The following RNF150 variants were observed in gnomAD, a reference collection of about 807,000 sequenced individuals.
RNF150 encodes ring finger protein 150.
Under a neutral mutation model 39.3 loss-of-function variants are expected in RNF150, and 24 were observed. The ratio of observed to expected loss-of-function variants is 0.61; its 90% CI spans 0.44 to 0.86. The LOEUF is 0.86. RNF150 is among the 40% of genes least tolerant of loss of function. RNF150 has a pLI of 0.00. For synonymous variants in RNF150, 255 were observed against 227.3 expected (o/e 1.12, Z -1.10); for missense variants, 502 against 587.8 (o/e 0.85, Z 1.51).
chr4:140,903,521 C>A (rs1272067089), intron 6 of RNF150, among the ~76,000 whole-genome samples: 1 of 152,152 alleles, frequency 6.6e-6, no homozygotes, highest in African/African-American at 2.4e-5. Context: ...TGCTGACCTG[C>A]AAGCTGTGTT....
At chr4:141,126,040 G>A (rs186107999) in intron 1 of RNF150, among the ~76,000 whole-genome samples, 1 of 151,952 alleles carries the variant, frequency 6.6e-6, no homozygotes, top group Non-Finnish European at 1.5e-5. Flanking sequence ...CCTGGCTATT[G>A]GAATTTCTGC....
chr4:141,091,399 T>C (rs1016907502), intron 1 of RNF150, among the ~76,000 whole-genome samples: 21 of 152,206 alleles, frequency 1.4e-4, no homozygotes, highest in African/African-American at 5.1e-4. Flanking sequence ...AATGACAACA[T>C]GATATTTGCC....
At chr4:140,871,111 T>C (rs1728921441) in intron 6 of RNF150, among the ~76,000 whole-genome samples, 1 of 152,168 alleles carries the variant, frequency 6.6e-6, no homozygotes, top group African/African-American at 2.4e-5. Context: ...AGTAACTGCA[T>C]GTGTTATTTT....
chr4:141,092,312 C>T (rs1414361856), intron 1 of RNF150, among the ~76,000 whole-genome samples: 1 of 150,832 alleles, frequency 6.6e-6, no homozygotes, highest in Non-Finnish European at 1.5e-5. Flanking sequence ...CACTGCACTC[C>T]AGCCTGGGCA....
At chr4:141,154,836 A>G (rs1328715798) in intron 1 of RNF150, among the ~76,000 whole-genome samples, 1 of 152,232 alleles carries the variant, frequency 6.6e-6, no homozygotes, top group Non-Finnish European at 1.5e-5. Flanking sequence ...TATGTTTCAG[A>G]TGCAGTGTCT....
intron 5 of RNF150, among the ~76,000 whole-genome samples, chr4:140,922,470 G>A (rs1277260366): frequency 1.3e-5 from 2 of 151,468 alleles, no homozygotes; most frequent in African/African-American, 4.9e-5. Context: ...AAATAAAAGA[G>A]GATACAAAGA....
At chr4:141,094,560 A>C (rs1050781087) in intron 1 of RNF150, among the ~76,000 whole-genome samples, 3 of 152,266 alleles carry the variant, frequency 2.0e-5, no homozygotes, top group Non-Finnish European at 4.4e-5. Context: ...TTTGTTTTTT[A>C]ATACCACTTT....
chr4:141,102,654 T>C (rs1739053581), intron 1 of RNF150, among the ~76,000 whole-genome samples: 1 of 152,176 alleles, frequency 6.6e-6, no homozygotes, highest in African/African-American at 2.4e-5. Flanking sequence ...ACCATGATTA[T>C]CGCAACAGAT....
intron 5 of RNF150, among the ~76,000 whole-genome samples, chr4:140,912,252 C>G (rs1730635954): frequency 6.6e-6 from 1 of 152,214 alleles, no homozygotes; most frequent in African/African-American, 2.4e-5. Flanking sequence ...CTTCCACAAA[C>G]AGCTTTTCAA....
At chr4:141,076,180 A>G (rs1737889423) in intron 1 of RNF150, among the ~76,000 whole-genome samples, 1 of 152,240 alleles carries the variant, frequency 6.6e-6, no homozygotes, top group South Asian at 2.1e-4. Flanking sequence ...ATGTACAGGA[A>G]AAATCATTTC....
chr4:140,945,558 T>TATATAC (rs1560980518), intron 4 of RNF150, among the ~76,000 whole-genome samples: 18 of 142,292 alleles, frequency 1.3e-4, no homozygotes, highest in African/African-American at 4.7e-4. Flanking sequence ...ACACTACATA[T>TATATAC]ATATATACAT....
intron 1 of RNF150, among the ~76,000 whole-genome samples, chr4:141,085,026 T>G (rs1738306600): frequency 6.6e-6 from 1 of 152,184 alleles, no homozygotes; most frequent in South Asian, 2.1e-4. Context: ...TGGGGCTGTA[T>G]TAGCCTATTT....
chr4:141,197,125 G>T (rs921722389), intron 1 of RNF150, among the ~76,000 whole-genome samples: 1 of 151,982 alleles, frequency 6.6e-6, no homozygotes, highest in African/African-American at 2.4e-5. Context: ...TTTGTTTGCT[G>T]TACAAATGCC....
At position 141,141,897 on chromosome 4, in the gene RNF150, T is replaced by C. The variant is rs1444528635; in HGVS notation, c.-6+70897A>G. Among the ~76,000 whole-genome samples, 5 of 152,182 alleles carry C rather than the reference T, an allele frequency of 3.3e-5. No individual in the cohort carries two copies. The East Asian group carries it at 7.7e-4, about 23-fold the overall frequency. On this transcript the variant is annotated intron_variant, in intron 1 of 7. Coordinates refer to the RNF150 transcript ENST00000420921. Reference sequence around the variant, plus strand: ...CCCATCAGGTCATCCAGTTCCACCATGGAGAACATTGGGGTGACAAAAGTT... The same window carrying C: ...CCCATCAGGTCATCCAGTTCCACCACGGAGAACATTGGGGTGACAAAAGTT...
intron 1 of RNF150, among the ~76,000 whole-genome samples, chr4:141,140,038 C>T (rs928599052): frequency 5.3e-5 from 8 of 152,090 alleles, no homozygotes; most frequent in Non-Finnish European, 7.4e-5. Context: ...GGTGGTGGGG[C>T]GCGTTGCTTC....
In RNF150 at chr4:140,862,462, T is replaced by A. The variant is rs1314589745; in HGVS notation, c.*5799A>T. 6.6e-6 allele frequency: 1 copy of A among 152,168 alleles called. No homozygotes were observed. Among genetic ancestry groups the A allele is most frequent in the Admixed American group, 6.5e-5 (1 of 15,278 alleles). The allele number at this position is 152,168 out of a possible 1,614,324, so 9.4% of individuals were successfully genotyped here. A position where few individuals can be genotyped will look rare whatever the true frequency, so the allele number is the denominator to read the frequency against. ...TCTTGTAGAACAAGCAGGATTGCAA[T>A]CAAATTGCTCGATATTAAGGGGCCA... is the stretch of plus-strand genomic sequence containing the variant. On this transcript the variant is annotated 3_prime_UTR_variant, in exon 7 of 7. Transcript: ENST00000515673.
At position 140,863,028 on chromosome 4, in the gene RNF150, A is replaced by G. The variant is rs1728553766; in HGVS notation, c.*5233T>C. The G allele has an allele frequency of 6.6e-6, 1 of 152,130 alleles. No individual in the cohort carries two copies. Among genetic ancestry groups the G allele is most frequent in the Non-Finnish European group, 1.5e-5 (1 of 68,026 alleles). 9.4% of individuals were successfully genotyped at this position (152,130 alleles called of 1,614,324 possible). On this transcript the variant is annotated 3_prime_UTR_variant, in exon 7 of 7. Transcript: ENST00000515673. The stretch of plus-strand genomic sequence containing the variant: ...CGGTGGCCAAGAGCACTGCATGAAG[A>G]ACCATGCATCCCCATCTTAAGAGGG...
intron 1 of RNF150, among the ~76,000 whole-genome samples, chr4:141,108,910 C>A (rs1739299752): frequency 6.6e-6 from 1 of 152,180 alleles, no homozygotes; most frequent in Admixed American, 6.5e-5. Context: ...TCTGAAATTT[C>A]ACTGGGGTTC....
chr4:141,164,812 A>G (rs1727572290), intron 1 of RNF150, among the ~76,000 whole-genome samples: 1 of 152,254 alleles, frequency 6.6e-6, no homozygotes, highest in Non-Finnish European at 1.5e-5. Flanking sequence ...GAAGCACTAA[A>G]TATGAAAAAC....
Sources: allele counts gnomAD v4.1 joint callset (sites outside exome capture counted in the v4.1 genomes callset), GRCh38; gene constraint gnomAD v4.1.1; transcripts MANE v1.5; gene names NCBI Gene and HGNC (gene_info 2026-07-23, HGNC 2026-07-21).